RIPOR1: variants seen among roughly 807,000 people sequenced by gnomAD.
RIPOR1 encodes rho family-interacting cell polarization regulator 1.
RIPOR1 carries 58 observed loss-of-function variants against 116.5 expected under a neutral mutation model. That is an observed-to-expected ratio of 0.50 (90% confidence interval 0.40 to 0.62). RIPOR1 has a LOEUF of 0.62. Ranked by LOEUF, RIPOR1 falls within the 20% of genes least tolerant of loss-of-function variation. The pLI is 0.00. For missense variants in RIPOR1, 1,372 were observed against 1,586.2 expected (o/e 0.86, Z 2.29); for synonymous variants, 605 against 650.0 (o/e 0.93, Z 1.05).
chr16:67,529,439 C>T lies in RIPOR1; in HGVS notation c.-24+525C>T. ...CTGGGCTGGAGCCGGGCTCTCCGCC[C>T]AAACCTGGCGTAGCCGAAGCCGGAG... On this transcript the variant is annotated intron_variant, in intron 1 of 21. Coordinates refer to ENST00000042381, the MANE Select transcript of RIPOR1 (RefSeq NM_024519.4). The surrounding 1 kb of genome is among the most constrained non-coding windows in gnomAD (Gnocchi z 4.1). 3.8e-6 allele frequency: 1 copy of T among 263,470 alleles called. No individual in the cohort carries two copies. Among genetic ancestry groups the T allele is most frequent in the Non-Finnish European group, 7.3e-6 (1 of 137,476 alleles). The allele number at this position is 263,470 out of a possible 1,614,324, so 16.3% of individuals were successfully genotyped here.
In RIPOR1 at chr16:67,540,807, T is replaced by C. The variant is rs572367192; in HGVS notation, c.801+103T>C. ...CTCCTGTGATCCCCTCATAGCTCCA[T>C]AGCCCTGTGAAGATATGATTCCATG... On this transcript the variant is annotated intron_variant, in intron 10 of 21. Coordinates refer to ENST00000042381, the MANE Select transcript of RIPOR1 (RefSeq NM_024519.4). This position sits in a 1 kb window ranked among gnomAD's most constrained non-coding sequence, Gnocchi z 4.7. 7.6e-6 allele frequency: 9 copies of C among 1,180,754 alleles called. No individual in the cohort carries two copies. The highest frequency in any genetic ancestry group is 2.3e-5 in the Admixed American group (1 of 43,414). 73.1% of individuals were successfully genotyped at this position (1,180,754 alleles called of 1,614,324 possible).
chr16:67,525,505 C>A (rs1254084075), upstream of RIPOR1, among the ~76,000 whole-genome samples: 2 of 151,730 alleles, frequency 1.3e-5, no homozygotes, highest in African/African-American at 4.8e-5. Context: ...AGTTGTCATC[C>A]GCGGGGGCTG....
rs1420076505 is a variant in RIPOR1, at chr16:67,546,155, T to C, written c.3486T>C (p.Ile1162=). 1 of 1,613,926 alleles carries C rather than the reference T, an allele frequency of 6.2e-7. No individual in the cohort carries two copies. The highest frequency in any genetic ancestry group is 8.5e-7 in the Non-Finnish European group (1 of 1,179,962). Residue 1162 remains isoleucine (I), a synonymous_variant, in exon 21 of 22, where the codon ATT becomes ATC. Transcript: ENST00000042381. The part of the protein sequence containing the change: ...ALGCIKAPEG[I]EPLVYLCQTD... ...TCCCCTGACAGGCTCCCGAGGGCAT[T>C]GAGCCCCTGGTGTACCTCTGCCAAA...
At chr16:67,539,695 CTAAA>C in intron 4 of RIPOR1, 29 bp from the exon 5 acceptor site, 1 of 1,613,956 alleles carries the variant, frequency 6.2e-7, no homozygotes, top group East Asian at 2.2e-5. Flanking sequence ...CTCATCCCTC[CTAAA>C]TATTTGCCCC....
chr16:67,520,753 T>C (rs1006228853), intron 1 of RIPOR1, among the ~76,000 whole-genome samples: 4 of 150,684 alleles, frequency 2.7e-5, no homozygotes, highest in African/African-American at 9.8e-5. Flanking sequence ...TGAGCCGAGA[T>C]AGTGCCACTG....
chr16:67,530,659 G>A lies in RIPOR1; in HGVS notation c.-24+1745G>A, dbSNP rs1464176634. Among the ~76,000 whole-genome samples, 3 of 152,216 alleles carry A rather than the reference G, an allele frequency of 2.0e-5. No individual in the cohort carries two copies. The highest frequency in any genetic ancestry group is 2.9e-5 in the Non-Finnish European group (2 of 68,026). On this transcript the variant is annotated intron_variant, in intron 1 of 21. Coordinates refer to ENST00000042381, the MANE Select transcript of RIPOR1 (RefSeq NM_024519.4). This position sits in a 1 kb window ranked among gnomAD's most constrained non-coding sequence, Gnocchi z 4.5. ...TATTCCGCCGCACCCGGGTGTGCCA[G>A]TCTTGGTGTGTAGGAAGTATAGCGG...
At position 67,542,031 on chromosome 16, in the gene RIPOR1, C is replaced by T. The variant is rs1357932649; in HGVS notation, c.1245C>T (p.Ala415=). The T allele has an allele frequency of 1.9e-6, 3 of 1,608,500 alleles. No homozygotes were observed. The highest frequency in any genetic ancestry group is 4.5e-5 in the East Asian group (2 of 44,760). Residue 415 remains alanine (A), a synonymous_variant, in exon 13 of 22, where the codon GCC becomes GCT. Transcript: ENST00000042381. The surrounding 1 kb of genome is among the most constrained non-coding windows in gnomAD (Gnocchi z 4.6). ...QQPEPLPIQV[A]FRRPETPSSG... ...CCGAGCCCCTTCCCATCCAAGTTGC[C>T]TTCCGCAGGCCTGAGACCCCCAGCT...
Position 67,542,567 on chromosome 16 carries a change from C to G in RIPOR1, c.1781C>G (p.Pro594Arg). 1 of 1,613,912 alleles carries G rather than the reference C, an allele frequency of 6.2e-7. No homozygotes were observed. The highest frequency in any genetic ancestry group is 8.5e-7 in the Non-Finnish European group (1 of 1,179,936). ...GGCCCTACCCTCAATATCATAGGCCCAGTCCAGACTACCACAAGCCCCACC... is the reference window on the plus strand; with the variant it reads ...GGCCCTACCCTCAATATCATAGGCCGAGTCCAGACTACCACAAGCCCCACC... The part of the protein sequence containing the change: ...TTGPTLNIIG[P>R]VQTTTSPTHT... Residue 594 changes from proline (P) to arginine (R), a missense_variant, in exon 13 of 22, where the codon CCA becomes CGA. This residue lies in a region of RIPOR1 where 1,005 missense variants were observed against 1,144.7 expected (regional missense o/e 0.88). Coordinates refer to ENST00000042381, the MANE Select transcript of RIPOR1 (RefSeq NM_024519.4). The surrounding 1 kb of genome is among the most constrained non-coding windows in gnomAD (Gnocchi z 4.6).
At position 67,540,159 on chromosome 16, in the gene RIPOR1, G is replaced by A. The variant is rs564519127; in HGVS notation, c.521G>A (p.Arg174Gln). Reference protein sequence around the residue: ...TTGSPGSREARDSLAEATRGH... With the variant: ...TTGSPGSREAQDSLAEATRGH... ...GGGTCCCCGGGAAGCCGAGAGGCCC[G>A]GGACAGCCTGGCAGAGGCCACTCGG... Residue 174 changes from arginine to glutamine, a missense_variant, in exon 7 of 22, where the codon CGG becomes CAG. Arg to Gln is a conservative substitution (Grantham distance 43). This residue lies in a region of RIPOR1 where 202 missense variants were observed against 295.9 expected (regional missense o/e 0.68). Transcript: ENST00000042381. The surrounding 1 kb of genome is among the most constrained non-coding windows in gnomAD (Gnocchi z 4.7). The A allele has an allele frequency of 1.9e-5, 30 of 1,614,060 alleles. No individual in the cohort carries two copies. The highest frequency in any genetic ancestry group is 5.0e-5 in the Admixed American group (3 of 60,004).
chr16:67,536,468 G>T (rs2050797830), intron 1 of RIPOR1, among the ~76,000 whole-genome samples: 1 of 152,138 alleles, frequency 6.6e-6, no homozygotes, highest in African/African-American at 2.4e-5. Flanking sequence ...TGGGGATCAG[G>T]ATGGGAACGC....
Position 67,542,008 on chromosome 16 carries a change from G to A in RIPOR1, c.1222G>A (p.Glu408Lys), listed in dbSNP as rs369179324. Residue 408 changes from glutamate to lysine, a missense_variant, in exon 13 of 22, where the codon GAG (glutamate) becomes AAG (lysine). Glu to Lys is a moderately conservative substitution (Grantham distance 56). This residue lies in a region of RIPOR1 where 1,005 missense variants were observed against 1,144.7 expected (regional missense o/e 0.88). Transcript: ENST00000042381. The surrounding 1 kb of genome is among the most constrained non-coding windows in gnomAD (Gnocchi z 4.6). Reference protein sequence around the residue: ...PAPRPLVQQPEPLPIQVAFRR... With the variant: ...PAPRPLVQQPKPLPIQVAFRR... ...CCCTAGGCCCCTGGTGCAGCAGCCC[G>A]AGCCCCTTCCCATCCAAGTTGCCTT... is the stretch of plus-strand genomic sequence containing the variant. The A allele has an allele frequency of 3.2e-5, 52 of 1,609,806 alleles. No homozygotes were observed. The highest frequency in any genetic ancestry group is 5.3e-5 in the African/African-American group (4 of 74,796).
chr16:67,544,298 G>T lies in RIPOR1; in HGVS notation c.2601-1G>T. 4 of 1,594,648 alleles carry T rather than the reference G, an allele frequency of 2.5e-6. No individual in the cohort carries two copies. The highest frequency in any genetic ancestry group is 3.4e-6 in the Non-Finnish European group (4 of 1,165,584). On this transcript the variant is annotated splice_acceptor_variant, in intron 14 of 21. Coordinates refer to ENST00000042381, the MANE Select transcript of RIPOR1 (RefSeq NM_024519.4). LOFTEE classifies it high-confidence loss of function. This position sits in a 1 kb window ranked among gnomAD's most constrained non-coding sequence, Gnocchi z 5.1. Reference sequence around the variant, plus strand: ...GGTGGTGGACCCCATTTTTCCCTCAGGCCTCCAAGCAGCCCGGAGGCTGGG... The same window carrying T: ...GGTGGTGGACCCCATTTTTCCCTCATGCCTCCAAGCAGCCCGGAGGCTGGG...
chr16:67,519,241 C>T (rs1235601780), intron 1 of RIPOR1, among the ~76,000 whole-genome samples: 1 of 150,188 alleles, frequency 6.7e-6, no homozygotes, highest in Non-Finnish European at 1.5e-5. Flanking sequence ...GATTGTGCCA[C>T]TGCACTCCAG....
upstream of RIPOR1, among the ~76,000 whole-genome samples, chr16:67,526,651 C>G (rs2050542161): frequency 6.6e-6 from 1 of 152,196 alleles, no homozygotes; most frequent in Admixed American, 6.5e-5. Context: ...GTGGTTCCTA[C>G]CCGCACACTA....
upstream of RIPOR1, among the ~76,000 whole-genome samples, chr16:67,526,295 C>T (rs561930914): frequency 6.6e-6 from 1 of 152,186 alleles, no homozygotes; most frequent in South Asian, 2.1e-4. Flanking sequence ...AGGCTGCATC[C>T]AGGGAGCTGC....
rs749923451 is a variant in RIPOR1 at position 67,538,690 on chromosome 16, C to A, written c.123C>A (p.Ser41Arg). 2 of 1,612,960 alleles carry A rather than the reference C, an allele frequency of 1.2e-6. No homozygotes were observed. The highest frequency in any genetic ancestry group is 2.2e-5 in the South Asian group (2 of 91,048). ...ERGPRSFPVF[S>R]PPGPPRKPPA... The stretch of plus-strand genomic sequence containing the variant: ...CCTTCAGGAGTTTCCCGGTCTTCAG[C>A]CCGCCGGGGCCCCCACGGAAGCCCC... The change falls in exon 3 of 22, where the codon AGC becomes AGA. Residue 41 changes from serine to arginine, a missense_variant. Physicochemically the swap from Ser to Arg is moderately radical, Grantham distance 110. Coordinates refer to ENST00000042381, the MANE Select transcript of RIPOR1 (RefSeq NM_024519.4).
chr16:67,526,770 C>T (rs2050542969), upstream of RIPOR1, among the ~76,000 whole-genome samples: 1 of 152,204 alleles, frequency 6.6e-6, no homozygotes, highest in East Asian at 1.9e-4. Context: ...GAGGCTGGAA[C>T]AGAGGGTGTC....
At chr16:67,527,017 G>C (rs1222015773), upstream of RIPOR1, among the ~76,000 whole-genome samples, 2 of 152,186 alleles carry the variant, frequency 1.3e-5, no homozygotes, top group Non-Finnish European at 2.9e-5. Flanking sequence ...GGAAGTTTGG[G>C]ATGGTCAGCA....
At position 67,545,895 on chromosome 16, in the gene RIPOR1, T is replaced by G; in HGVS notation, c.3387+35T>G. ...ACAGGGCTCCCTTGAGGGCGAGGGC[T>G]GGGGTCCTGGACTCCCACTGTCTGG... is the stretch of plus-strand genomic sequence containing the variant. On this transcript the variant is annotated intron_variant, in intron 19 of 21. Transcript: ENST00000042381. The surrounding 1 kb of genome is among the most constrained non-coding windows in gnomAD (Gnocchi z 4.8). 1 of 1,612,418 alleles carries G rather than the reference T, an allele frequency of 6.2e-7. No individual in the cohort carries two copies. The highest frequency in any genetic ancestry group is 8.5e-7 in the Non-Finnish European group (1 of 1,179,028).
Sources: allele counts gnomAD v4.1 joint callset (sites outside exome capture counted in the v4.1 genomes callset), GRCh38; gene constraint gnomAD v4.1.1; regional missense constraint gnomAD v4.1.1; non-coding constraint Gnocchi (gnomAD v3.1); transcripts MANE v1.5; gene names NCBI Gene and HGNC (gene_info 2026-07-23, HGNC 2026-07-21).